DGKI: variants seen among roughly 807,000 people sequenced by gnomAD.
DGKI encodes diacylglycerol kinase iota, also known as DAG kinase iota.
Under a neutral mutation model 147.5 loss-of-function variants are expected in DGKI, and 55 were observed. The ratio of observed to expected loss-of-function variants is 0.37; its 90% CI spans 0.30 to 0.47. The LOEUF is 0.47. Among genes scored for constraint, DGKI ranks in the 20% least tolerant of loss-of-function variants. DGKI has a pLI of 1.00. For synonymous variants in DGKI, 469 were observed against 477.1 expected, an observed-to-expected ratio of 0.98 and a Z score of 0.22; for missense variants, 1,007 against 1,323.8, an observed-to-expected ratio of 0.76 and a Z score of 3.71.
At chr7:137,576,257 C>T (rs1451137140) in intron 17 of DGKI, among the ~76,000 whole-genome samples, 2 of 151,922 alleles carry the variant, frequency 1.3e-5, no homozygotes, top group East Asian at 1.9e-4. Flanking sequence ...AGGCTGCTCT[C>T]GAACTCCTGA....
At chr7:137,662,629 C>G (rs1822484126) in intron 3 of DGKI, among the ~76,000 whole-genome samples, 1 of 152,152 alleles carries the variant, frequency 6.6e-6, no homozygotes, top group Non-Finnish European at 1.5e-5. Flanking sequence ...AGCAAAGATG[C>G]CACATGTCCG....
chr7:137,518,658 G>A (rs1033111512), intron 21 of DGKI, among the ~76,000 whole-genome samples: 4 of 151,990 alleles, frequency 2.6e-5, no homozygotes, highest in African/African-American at 4.8e-5. Context: ...AAATTATCAT[G>A]GCAATTTAAA....
chr7:137,638,834 TTAA>T (rs1436470028), intron 6 of DGKI, among the ~76,000 whole-genome samples: 1 of 151,586 alleles, frequency 6.6e-6, no homozygotes, highest in Non-Finnish European at 1.5e-5. Context: ...ATATGCCTTA[TTAA>T]TTTAAAAGGC....
intron 1 of DGKI, among the ~76,000 whole-genome samples, chr7:137,831,642 G>A (rs1798223841): frequency 2.0e-5 from 3 of 152,180 alleles, no homozygotes; most frequent in East Asian, 1.9e-4. Context: ...AGACCTGGGT[G>A]GGGACACAGA....
chr7:137,836,509 A>G (rs1407713376), intron 1 of DGKI, among the ~76,000 whole-genome samples: 1 of 152,220 alleles, frequency 6.6e-6, no homozygotes, highest in African/African-American at 2.4e-5. Context: ...TCAGACATGT[A>G]AAGTGCACAT....
At chr7:137,482,656 G>A (rs1815412560) in intron 23 of DGKI, among the ~76,000 whole-genome samples, 1 of 151,978 alleles carries the variant, frequency 6.6e-6, no homozygotes, top group Admixed American at 6.6e-5. Context: ...AAACATGAAA[G>A]TTTATCTCTC....
chr7:137,828,281 G>A (rs1585542133), intron 1 of DGKI, among the ~76,000 whole-genome samples: 1 of 152,040 alleles, frequency 6.6e-6, no homozygotes, highest in African/African-American at 2.4e-5. Context: ...TTCAATTTTG[G>A]ATTCTTCACC....
At chr7:137,707,049 CTA>C (rs1794059817) in intron 1 of DGKI, among the ~76,000 whole-genome samples, 1 of 152,202 alleles carries the variant, frequency 6.6e-6, no homozygotes, top group South Asian at 2.1e-4. Flanking sequence ...TCTATCCTTC[CTA>C]ACAGTCTCCC....
chr7:137,531,181 C>T (rs139091344), intron 20 of DGKI, among the ~76,000 whole-genome samples: 50 of 152,250 alleles, frequency 3.3e-4, no homozygotes, highest in African/African-American at 1.2e-3. Flanking sequence ...ATAGAGGTAA[C>T]ATGCATTCTC....
intron 6 of DGKI, among the ~76,000 whole-genome samples, chr7:137,633,186 T>C (rs1563122415): frequency 1.6e-5 from 2 of 124,260 alleles, no homozygotes; most frequent in Non-Finnish European, 3.2e-5. Context: ...CACTCCAGCC[T>C]GGGCAACAAG....
chr7:137,463,426 CA>C (rs1209157659), intron 27 of DGKI, 62 bp downstream of exon 27: 11 of 1,595,976 alleles, frequency 6.9e-6, no homozygotes, highest in Non-Finnish European at 8.5e-6. Flanking sequence ...GCACAGCCCA[CA>C]GTACATCCTC....
chr7:137,764,347 G>A (rs1795945357), intron 1 of DGKI, among the ~76,000 whole-genome samples: 1 of 152,208 alleles, frequency 6.6e-6, no homozygotes, highest in South Asian at 2.1e-4. Context: ...AAGGGTCAGA[G>A]TTCCTTTTTC....
chr7:137,431,730 A>G (rs6943070), intron 28 of DGKI, among the ~76,000 whole-genome samples: 63,945 of 152,074 alleles, frequency 0.42, 14,034 homozygotes, highest in East Asian at 0.74. Context: ...AAGCCTGTAA[A>G]TGTCCAGAGC....
chr7:137,608,652 C>T (rs1004500187), intron 10 of DGKI, among the ~76,000 whole-genome samples: 2 of 152,094 alleles, frequency 1.3e-5, no homozygotes, highest in South Asian at 2.1e-4. Context: ...TTGAGGAATC[C>T]TGAAACATAC....
At chr7:137,693,494 C>A (rs1244780937) in intron 1 of DGKI, among the ~76,000 whole-genome samples, 3 of 152,084 alleles carry the variant, frequency 2.0e-5, no homozygotes, top group Non-Finnish European at 4.4e-5. Context: ...ATATCAATTA[C>A]CTGAAAGACC....
chr7:137,645,397 A>G (rs1821788866), intron 6 of DGKI, 75 bp downstream of exon 6: 2 of 1,270,962 alleles, frequency 1.6e-6, no homozygotes, highest in African/African-American at 1.5e-5. Flanking sequence ...ATTTGGGGAC[A>G]GGACTCATCT....
intron 6 of DGKI, among the ~76,000 whole-genome samples, chr7:137,633,719 C>T (rs1325894913): frequency 2.0e-5 from 3 of 152,188 alleles, no homozygotes; most frequent in South Asian, 2.1e-4. Flanking sequence ...AATATTTCAG[C>T]CTTAAGTACA....
intron 1 of DGKI, among the ~76,000 whole-genome samples, chr7:137,727,783 C>A (rs183637797): frequency 6.6e-6 from 1 of 152,270 alleles, no homozygotes; most frequent in Admixed American, 6.5e-5. Context: ...TGTAATTTTT[C>A]ATAGCAGAAG....
At chr7:137,406,864 G>A (rs1585083335) in intron 30 of DGKI, among the ~76,000 whole-genome samples, 1 of 130,602 alleles carries the variant, frequency 7.7e-6, no homozygotes, top group African/African-American at 2.9e-5. Context: ...GCTCCTGTTA[G>A]GCACTACACA....
Sources: gnomAD v4.1 joint callset for allele counts (sites outside exome capture counted in the v4.1 genomes callset) on GRCh38, gnomAD v4.1.1 for gene constraint, MANE v1.5 for transcripts, NCBI Gene and HGNC (gene_info 2026-07-23, HGNC 2026-07-21) for gene names.